The following MAPK6 variants were observed in gnomAD, a reference collection of about 807,000 sequenced individuals.
MAPK6 encodes the protein ERK-3.
A neutral mutation model predicts 59.3 loss-of-function variants in MAPK6; 19 were observed. That is an observed-to-expected ratio of 0.32 (90% CI 0.22 to 0.47). The LOEUF is 0.47. Ranked by LOEUF, MAPK6 falls within the 20% of genes least tolerant of loss-of-function variation. The probability of loss-of-function intolerance (pLI) is 1.00; values close to 1 mark genes in which losing one functional copy is unlikely to be tolerated. For missense variants in MAPK6, 724 were observed against 847.9 expected, an observed-to-expected ratio of 0.85 and a Z score of 1.81; for synonymous variants, 316 against 290.3, an observed-to-expected ratio of 1.09 and a Z score of -0.90.
chr15:52,057,276 T>G (rs2032020173), intron 3 of MAPK6: 1 of 151,656 alleles, frequency 6.6e-6, no homozygotes, highest in Admixed American at 6.6e-5. Flanking sequence ...ACAAGGTAGA[T>G]CATGTCATCT....
chr15:52,049,885 T>G, intron 2 of MAPK6, 108 bp from the exon 3 acceptor site: 1 of 1,022,878 alleles, frequency 9.8e-7, no homozygotes, highest in East Asian at 2.4e-5. Flanking sequence ...AATGCTGGGA[T>G]TACAGGCATG....
rs1344760267 is a variant in MAPK6, at chr15:52,067,248, CAT to C, written c.*2250_*2251del. ...ACTTGTTGGCATTAAAAAGTCCAAA[CAT>C]AGTCATCAAAGGAAGAAGAAAGTAA... is the stretch of plus-strand genomic sequence containing the variant. On this transcript the variant is annotated 3_prime_UTR_variant, in exon 6 of 6. Transcript: ENST00000261845. The C allele has an allele frequency of 1.3e-5, 2 of 152,112 alleles. No homozygotes were observed. Among genetic ancestry groups the C allele is most frequent in the African/African-American group, 2.4e-5 (1 of 41,424 alleles). The allele number at this position is 152,112 out of a possible 1,614,324, so 9.4% of individuals were successfully genotyped here.
At chr15:52,038,116 T>C (rs534298966) in intron 1 of MAPK6, among the ~76,000 whole-genome samples, 26 of 150,486 alleles carry the variant, frequency 1.7e-4, no homozygotes, top group Non-Finnish European at 2.7e-4. Context: ...CATGCCCCTG[T>C]GCTCCAGGAG....
At chr15:52,019,066 T>G (rs925957121), upstream of MAPK6, 2 of 152,266 alleles carry the variant, frequency 1.3e-5, no homozygotes, top group African/African-American at 4.8e-5. Context: ...ACGAGCCGCG[T>G]GCCTTTCCCA....
At chr15:52,053,562 CCTTT>C (rs375254842) in intron 3 of MAPK6, among the ~76,000 whole-genome samples, 403 of 151,026 alleles carry the variant, frequency 2.7e-3, no homozygotes, top group African/African-American at 8.4e-3. Flanking sequence ...GTTTTTTTTC[CCTTT>C]CTTTATAGTG....
At chr15:51,971,848 A>G in exon 1 of MAPK6, 2 of 1,268,506 alleles carry the variant, frequency 1.6e-6, no homozygotes, top group Non-Finnish European at 2.3e-6. Flanking sequence ...TTCGCCGAAG[A>G]CACTCCTTTC....
At chr15:51,987,644 G>A (rs1185023708) in intron 2 of MAPK6, among the ~76,000 whole-genome samples, 3 of 151,414 alleles carry the variant, frequency 2.0e-5, no homozygotes, top group African/African-American at 7.3e-5. Context: ...TACATACTCA[G>A]TAAAACCAAC....
Position 52,064,533 on chromosome 15 carries a change from T to G in MAPK6, c.1699T>G (p.Ser567Ala). 1 of 1,610,912 alleles carries G rather than the reference T, an allele frequency of 6.2e-7. No individual in the cohort carries two copies. Among genetic ancestry groups the G allele is most frequent in the Admixed American group, 1.7e-5 (1 of 59,810 alleles). Residue 567 changes from serine to alanine, a missense_variant, in exon 6 of 6, where the codon TCA becomes GCA. Transcript: ENST00000261845. ...CCAACTAGAATTGAAAAGTTTGATA[T>G]CAAAGTCAGTAAGCCAAGAAAAACA... is the stretch of plus-strand genomic sequence containing the variant. ...VSQLELKSLI[S>A]KSVSQEKQEK...
At chr15:52,053,879 C>T (rs547670161) in intron 3 of MAPK6, among the ~76,000 whole-genome samples, 19 of 151,406 alleles carry the variant, frequency 1.3e-4, no homozygotes, top group Admixed American at 1.1e-3. Flanking sequence ...CCTCATGATC[C>T]ACTCGCCTCA....
chr15:52,043,403 T>A (rs2141078414), intron 1 of MAPK6, among the ~76,000 whole-genome samples: 1 of 151,830 alleles, frequency 6.6e-6, no homozygotes, highest in East Asian at 2.0e-4. Context: ...GTCCAAGCGA[T>A]TCTCTTGCCT....
chr15:52,045,074 C>T (rs2031557424), intron 1 of MAPK6, among the ~76,000 whole-genome samples: 1 of 151,824 alleles, frequency 6.6e-6, no homozygotes, highest in African/African-American at 2.4e-5. Flanking sequence ...GAGCATTTCT[C>T]TAGGGAGTTT....
chr15:51,998,997 T>TG (rs1566896121), intron 2 of MAPK6, among the ~76,000 whole-genome samples: 2 of 146,098 alleles, frequency 1.4e-5, no homozygotes, highest in African/African-American at 5.1e-5. Context: ...GCCTTTTTTT[T>TG]TTGTTTTTTA....
At position 51,983,499 on chromosome 15, in the gene MAPK6, C is replaced by T. The variant is rs150048974; in HGVS notation, c.-770+184C>T. The stretch of plus-strand genomic sequence containing the variant: ...CGTCTCAAAACAAGCAAACAAAAAA[C>T]GACAACAACAAAAAAAAACAGGACA... On this transcript the variant is annotated intron_variant, in intron 2 of 7. Coordinates refer to the MAPK6 transcript ENST00000691380. 5.1e-3 allele frequency among the ~76,000 whole-genome samples: 736 copies of T among 143,758 alleles called. 4 individuals are homozygous for T. Among genetic ancestry groups the T allele is most frequent in the Middle Eastern group, 0.016 (4 of 258 alleles). 94.3% of individuals were successfully genotyped at this position (143,758 alleles called of 152,430 possible). A position where few individuals can be genotyped will look rare whatever the true frequency, so the allele number is the denominator to read the frequency against.
upstream of MAPK6, among the ~76,000 whole-genome samples, chr15:52,016,178 T>C (rs888966526): frequency 2.8e-5 from 4 of 144,146 alleles, no homozygotes; most frequent in African/African-American, 1.0e-4. Context: ...AGGCGGGTGG[T>C]CAGGAGTTTG....
At chr15:52,016,062 G>GCA (rs1299801695), upstream of MAPK6, among the ~76,000 whole-genome samples, 208 of 59,134 alleles carry the variant, frequency 3.5e-3, no homozygotes, top group Non-Finnish European at 4.2e-3. Context: ...TCGCGCGCGC[G>GCA]CGCGCGCGCA....
intron 2 of MAPK6, among the ~76,000 whole-genome samples, chr15:52,003,516 G>A (rs1214767529): frequency 6.6e-6 from 1 of 152,212 alleles, no homozygotes; most frequent in African/African-American, 2.4e-5. Flanking sequence ...GCTGTGTGCT[G>A]AGCACAGTCC....
At chr15:52,006,578 A>G (rs978514821) in intron 3 of MAPK6, among the ~76,000 whole-genome samples, 1 of 152,238 alleles carries the variant, frequency 6.6e-6, no homozygotes, top group African/African-American at 2.4e-5. Flanking sequence ...GGGATGAATC[A>G]TGAGTACAAC....
chr15:52,052,726 T>A (rs918563616), intron 3 of MAPK6, among the ~76,000 whole-genome samples: 1 of 152,238 alleles, frequency 6.6e-6, no homozygotes, highest in African/African-American at 2.4e-5. Flanking sequence ...GTTAGTACTT[T>A]TTTCCTTTTT....
At chr15:51,993,807 T>C (rs1406440240) in intron 2 of MAPK6, among the ~76,000 whole-genome samples, 1 of 150,758 alleles carries the variant, frequency 6.6e-6, no homozygotes, top group African/African-American at 2.4e-5. Flanking sequence ...TCTTTCTTTT[T>C]TTTTTTTTTT....
Sources: gnomAD v4.1 joint callset for allele counts (sites outside exome capture counted in the v4.1 genomes callset) on GRCh38, gnomAD v4.1.1 for gene constraint, MANE v1.5 for transcripts, NCBI Gene and HGNC (gene_info 2026-07-23, HGNC 2026-07-21) for gene names.